The following SKOR2 variants were observed in gnomAD, a reference collection of about 807,000 sequenced individuals.
SKOR2 encodes the protein LBX1 corepressor 1-like protein.
A neutral mutation model predicts 69.1 loss-of-function variants in SKOR2; 47 were observed. The ratio of observed to expected loss-of-function variants is 0.68; its 90% CI spans 0.54 to 0.87. The LOEUF (loss-of-function observed/expected upper bound fraction) is 0.87. SKOR2 is among the 40% of genes least tolerant of loss of function. The probability of loss-of-function intolerance (pLI) is 0.00; values close to 1 mark genes in which losing one functional copy is unlikely to be tolerated. For missense variants in SKOR2, 1,404 were observed against 1,472.2 expected, an observed-to-expected ratio of 0.95 and a Z score of 0.76; for synonymous variants, 717 against 672.6, an observed-to-expected ratio of 1.07 and a Z score of -1.02.
At chr18:47,219,329 G>C (rs148891359) in intron 7 of SKOR2, among the ~76,000 whole-genome samples, 180 of 152,130 alleles carry the variant, frequency 1.2e-3, no homozygotes, top group African/African-American at 3.9e-3. Context: ...GGGACAAAGG[G>C]CAAGAAATTC....
Position 47,246,662 on chromosome 18 carries a change from A to AG in SKOR2, c.2521dup (p.Leu841ProfsTer32). The AG allele has an allele frequency of 6.8e-7, 1 of 1,468,048 alleles. No homozygotes were observed. The allele number at this position is 1,468,048 out of a possible 1,614,324, so 90.9% of individuals were successfully genotyped here. The stretch of plus-strand genomic sequence containing the variant: ...GCCGCCACTCGCCTTCTGGGGGGCC[A>AG]GGGGCGGCGGCGGGGGCGGGGGCAG... On this transcript the variant is annotated frameshift_variant, in exon 2 of 9. Transcript: ENST00000425639. LOFTEE classifies it high-confidence loss of function.
chr18:47,226,365 A>G (rs576976770), intron 6 of SKOR2, among the ~76,000 whole-genome samples: 1 of 152,250 alleles, frequency 6.6e-6, no homozygotes, highest in East Asian at 1.9e-4. Flanking sequence ...GTTACCTTTA[A>G]TAATTTAACC....
Position 47,245,473 on chromosome 18 carries a change from AGCT to A in SKOR2, c.2677+22_2677+24del. On this transcript the variant is annotated intron_variant, in intron 3 of 8. Transcript: ENST00000425639. ...GTTAAATGCAGGCAAGAAAAGTGGC[AGCT>A]GATTTTTTTTTTTTTTTTTACCTGA... The A allele has an allele frequency of 4.5e-6, 3 of 665,096 alleles. No homozygotes were observed. In the South Asian group the frequency reaches 7.5e-5, roughly 17 times the overall value. The allele number at this position is 665,096 out of a possible 1,614,324, so 41.2% of individuals were successfully genotyped here.
chr18:47,247,185 G>T lies in SKOR2; in HGVS notation c.1999C>A (p.His667Asn), dbSNP rs2064281613. ...GGCGACGGCGGCTGCGGGGGGTGGT[G>T]GTGGTGGTGGTGGTGGTGAGGGTGG... The part of the protein sequence containing the change: ...HHHPHHHHHH[H>N]HPPQPPSPLL... The change falls in exon 2 of 9, where the codon CAC becomes AAC. Residue 667 changes from histidine (H) to asparagine (N), a missense_variant. Physicochemically the swap from His to Asn is moderately conservative, Grantham distance 68. Transcript: ENST00000425639. The surrounding 1 kb of genome is among the most constrained non-coding windows in gnomAD (Gnocchi z 6.6). 2 of 1,340,184 alleles carry T rather than the reference G, an allele frequency of 1.5e-6. No individual in the cohort carries two copies. The highest frequency in any genetic ancestry group is 2.0e-5 in the South Asian group (1 of 49,834). 83.0% of individuals were successfully genotyped at this position (1,340,184 alleles called of 1,614,324 possible). A position where few individuals can be genotyped will look rare whatever the true frequency, so the allele number is the denominator to read the frequency against.
intron 1 of SKOR2, among the ~76,000 whole-genome samples, chr18:47,249,818 A>G (rs61401225): frequency 0.061 from 9,284 of 152,250 alleles, 828 homozygotes; most frequent in African/African-American, 0.2. Context: ...CACCCTTGCC[A>G]TTAGATATTT....
Position 47,245,478 on chromosome 18 carries a change from A to ATTTTGTTTTTTTT in SKOR2, c.2677+19_2677+20insAAAAAAAACAAAA. On this transcript the variant is annotated intron_variant, in intron 3 of 8. Coordinates refer to ENST00000425639, the MANE Select transcript of SKOR2 (RefSeq NM_001278063.4). The stretch of plus-strand genomic sequence containing the variant: ...ATGCAGGCAAGAAAAGTGGCAGCTG[A>ATTTTGTTTTTTTT]TTTTTTTTTTTTTTTTTACCTGAAA... 1 of 1,194,644 alleles carries ATTTTGTTTTTTTT rather than the reference A, an allele frequency of 8.4e-7. No homozygotes were observed. Among genetic ancestry groups the ATTTTGTTTTTTTT allele is most frequent in the Non-Finnish European group, 1.1e-6 (1 of 933,368 alleles). 74.0% of individuals were successfully genotyped at this position (1,194,644 alleles called of 1,614,324 possible).
At position 47,247,535 on chromosome 18, in the gene SKOR2, C is replaced by T; in HGVS notation, c.1649G>A (p.Gly550Asp). Residue 550 changes from glycine to aspartate, a missense_variant, in exon 2 of 9, where the codon GGC becomes GAC. Physicochemically the swap from Gly to Asp is moderately conservative, Grantham distance 94. Coordinates refer to ENST00000425639, the MANE Select transcript of SKOR2 (RefSeq NM_001278063.4). The surrounding 1 kb of genome is among the most constrained non-coding windows in gnomAD (Gnocchi z 6.6). ...GAAGAGCGCGTCGCGAGAGCCGGCGCCCCCGGCAGGAGGAGGTGGGCCGGA... is the reference window on the plus strand; with the variant it reads ...GAAGAGCGCGTCGCGAGAGCCGGCGTCCCCGGCAGGAGGAGGTGGGCCGGA... The part of the protein sequence containing the change: ...PGSGPPPPAG[G>D]AGSRDALFES... 2.5e-6 allele frequency: 3 copies of T among 1,216,752 alleles called. No homozygotes were observed. The highest frequency in any genetic ancestry group is 3.1e-6 in the Non-Finnish European group (3 of 979,140). 75.4% of individuals were successfully genotyped at this position (1,216,752 alleles called of 1,614,324 possible). A position where few individuals can be genotyped will look rare whatever the true frequency, so the allele number is the denominator to read the frequency against.
chr18:47,219,610 G>A (rs918311004), intron 7 of SKOR2, among the ~76,000 whole-genome samples: 117 of 152,300 alleles, frequency 7.7e-4, no homozygotes, highest in African/African-American at 2.7e-3. Context: ...ATGGAAGACA[G>A]TTGCCCTTCA....
In SKOR2 at chr18:47,207,875, G is replaced by A. The variant is rs117415465; in HGVS notation, c.*4-983C>T. Among the ~76,000 whole-genome samples, 1,181 of 152,252 alleles carry A rather than the reference G, an allele frequency of 7.8e-3. 41 individuals are homozygous for A. The East Asian group carries it at 0.083, about 11-fold the overall frequency. ...TCCAGACTCTCCAGAAAGATGCAAC[G>A]TAGCAATTAGTGATTAAGAAAATGC... On this transcript the variant is annotated intron_variant, in intron 8 of 8. Transcript: ENST00000425639.
At chr18:47,238,320 C>CTTTTTTTTTTTT (rs772229985) in intron 4 of SKOR2, among the ~76,000 whole-genome samples, 2 of 108,066 alleles carry the variant, frequency 1.9e-5, no homozygotes, top group African/African-American at 3.8e-5. Context: ...CTTTTCTTTT[C>CTTTTTTTTTTTT]TTTTTTTTTT....
chr18:47,241,046 G>C (rs772280137), intron 4 of SKOR2, among the ~76,000 whole-genome samples: 44 of 152,152 alleles, frequency 2.9e-4, no homozygotes, highest in Non-Finnish European at 5.7e-4. Flanking sequence ...TTTTTGTGTA[G>C]ACTACGATTA....
At chr18:47,222,942 G>A (rs933079428) in intron 6 of SKOR2, among the ~76,000 whole-genome samples, 5 of 152,106 alleles carry the variant, frequency 3.3e-5, no homozygotes, top group African/African-American at 9.7e-5. Context: ...TAAAGTATTC[G>A]AAATAATGGC....
In SKOR2 at chr18:47,247,000, G is replaced by A. The variant is rs1413625623; in HGVS notation, c.2184C>T (p.Ser728=). 14 of 1,496,628 alleles carry A rather than the reference G, an allele frequency of 9.4e-6. No individual in the cohort carries two copies. The highest frequency in any genetic ancestry group is 3.5e-6 in the Non-Finnish European group (4 of 1,129,344). 92.7% of individuals were successfully genotyped at this position (1,496,628 alleles called of 1,614,324 possible). A position where few individuals can be genotyped will look rare whatever the true frequency, so the allele number is the denominator to read the frequency against. Reference sequence around the variant, plus strand: ...CGTCCTCGTCCTCGGAGCTGTCCTCGCTGGGGTAGCAGCAGCTGGTTCCCC... The same window carrying A: ...CGTCCTCGTCCTCGGAGCTGTCCTCACTGGGGTAGCAGCAGCTGGTTCCCC... ...SPGGTSCCYP[S]EDSSEDEDDE... is the part of the protein sequence containing the mutation. The change falls in exon 2 of 9, where the codon AGC becomes AGT. Residue 728 remains serine (S), a synonymous_variant. Coordinates refer to ENST00000425639, the MANE Select transcript of SKOR2 (RefSeq NM_001278063.4).
intron 4 of SKOR2, among the ~76,000 whole-genome samples, chr18:47,243,916 C>A (rs2064259720): frequency 6.6e-6 from 1 of 152,014 alleles, no homozygotes; most frequent in Non-Finnish European, 1.5e-5. Flanking sequence ...GCATCATCAA[C>A]CAAAATCGAA....
At position 47,247,897 on chromosome 18, in the gene SKOR2, G is replaced by T; in HGVS notation, c.1287C>A (p.Ala429=). Reference sequence around the variant, plus strand: ...CCGCGCCCCCCAGGGCCTCAGCGGCGGCACCCGCATCCTCTTTCTTATGGC... The same window carrying T: ...CCGCGCCCCCCAGGGCCTCAGCGGCTGCACCCGCATCCTCTTTCTTATGGC... ...SLCHKKEDAG[A]AAEALGGAGA... is the part of the protein sequence containing the mutation. The change falls in exon 2 of 9, where the codon GCC becomes GCA. Residue 429 remains alanine (A), a synonymous_variant. Coordinates refer to ENST00000425639, the MANE Select transcript of SKOR2 (RefSeq NM_001278063.4). The surrounding 1 kb of genome is among the most constrained non-coding windows in gnomAD (Gnocchi z 6.6). The T allele has an allele frequency of 7.3e-7, 1 of 1,362,098 alleles. No individual in the cohort carries two copies. The highest frequency in any genetic ancestry group is 9.4e-7 in the Non-Finnish European group (1 of 1,065,358). 84.4% of individuals were successfully genotyped at this position (1,362,098 alleles called of 1,614,324 possible). A position where few individuals can be genotyped will look rare whatever the true frequency, so the allele number is the denominator to read the frequency against.
intron 4 of SKOR2, among the ~76,000 whole-genome samples, chr18:47,240,246 C>T (rs1001422284): frequency 6.6e-6 from 1 of 152,204 alleles, no homozygotes; most frequent in African/African-American, 2.4e-5. Flanking sequence ...GATGACTCCA[C>T]TTTACCTGAT....
Position 47,219,990 on chromosome 18 carries a change from T to C in SKOR2, c.2938A>G (p.Lys980Glu). The C allele has an allele frequency of 2.0e-6, 3 of 1,536,190 alleles. No homozygotes were observed. Among genetic ancestry groups the C allele is most frequent in the East Asian group, 2.4e-5 (1 of 40,902 alleles). The change falls in exon 7 of 9, where the codon AAA (lysine) becomes GAA (glutamate). Residue 980 changes from lysine to glutamate, a missense_variant. By Grantham distance (56) the Lys-to-Glu change is moderately conservative. This residue lies in a region of SKOR2 where 1,266 missense variants were observed against 1,309.9 expected (regional missense o/e 0.97). Coordinates refer to ENST00000425639, the MANE Select transcript of SKOR2 (RefSeq NM_001278063.4). Reference protein sequence around the residue: ...PVFNNFQDQMKRELAYREEMV... With the variant: ...PVFNNFQDQMERELAYREEMV... ...TCTTCTCGGTAGGCTAGCTCCCTTT[T>C]CATCTGATCCTGAAAATTATCTGGT...
intron 4 of SKOR2, among the ~76,000 whole-genome samples, chr18:47,233,117 G>A (rs1257704089): frequency 6.6e-6 from 1 of 152,128 alleles, no homozygotes. Flanking sequence ...CAGGACATAT[G>A]CATCATTAGA....
At chr18:47,229,843 A>G (rs556711848) in intron 6 of SKOR2, among the ~76,000 whole-genome samples, 1 of 152,324 alleles carries the variant, frequency 6.6e-6, no homozygotes, top group African/African-American at 2.4e-5. Flanking sequence ...AGGAAATTCC[A>G]AGACTCTGGG....
Sources: gnomAD v4.1 joint callset for allele counts (sites outside exome capture counted in the v4.1 genomes callset) on GRCh38, gnomAD v4.1.1 for gene constraint, gnomAD v4.1.1 regional missense constraint, Gnocchi (gnomAD v3.1) non-coding constraint, MANE v1.5 for transcripts, NCBI Gene and HGNC (gene_info 2026-07-23, HGNC 2026-07-21) for gene names.